Variants in FBH1 observed in about 807,000 individuals in gnomAD.
FBH1 encodes the protein DNA 3'-5' helicase 1.
Under a neutral mutation model 115.5 loss-of-function variants are expected in FBH1, and 43 were observed. The observed-to-expected ratio is 0.37, with a 90% CI of 0.29 to 0.48. The LOEUF is 0.48. FBH1 is among the 20% of genes least tolerant of loss of function. The pLI, the probability that FBH1 is intolerant of heterozygous loss-of-function variation, is 0.99. For synonymous variants in FBH1, 524 were observed against 507.8 expected, an observed-to-expected ratio of 1.03 and a Z score of -0.43; for missense variants, 1,001 against 1,337.3, an observed-to-expected ratio of 0.75 and a Z score of 3.92.
At position 5,917,402 on chromosome 10, in the gene FBH1, A is replaced by G. The variant is rs1330239650; in HGVS notation, c.1789-18A>G. ...CCAGGGTCTCAAACTCTGGGTTACC[A>G]TATGCTTTACTTCCTAGAATGGTGT... On this transcript the variant is annotated intron_variant, in intron 10 of 20. Transcript: ENST00000362091. The surrounding 1 kb of genome is among the most constrained non-coding windows in gnomAD (Gnocchi z 5.6). The G allele has an allele frequency of 5.6e-6, 9 of 1,611,470 alleles. No homozygotes were observed. Among genetic ancestry groups the G allele is most frequent in the Non-Finnish European group, 6.8e-6 (8 of 1,178,016 alleles).
chr10:5,912,869 T>C (rs996658589), intron 6 of FBH1, among the ~76,000 whole-genome samples: 14 of 152,186 alleles, frequency 9.2e-5, no homozygotes, highest in African/African-American at 4.8e-5. Context: ...AGTATGTATG[T>C]TGATTTTTGT....
At chr10:5,903,938 A>G (rs953404245) in intron 2 of FBH1, among the ~76,000 whole-genome samples, 33 of 152,230 alleles carry the variant, frequency 2.2e-4, no homozygotes, top group African/African-American at 8.0e-4. Flanking sequence ...TCTCTGCTAA[A>G]TCAACTGGAA....
At position 5,897,522 on chromosome 10, in the gene FBH1, AT is replaced by A. The variant is rs1473315894; in HGVS notation, c.2-5497del. Among the ~76,000 whole-genome samples the A allele has an allele frequency of 2.6e-5, 4 of 152,140 alleles. No individual in the cohort carries two copies. The highest frequency in any genetic ancestry group is 1.3e-4 in the Admixed American group (2 of 15,272). On this transcript the variant is annotated intron_variant, in intron 1 of 20. Transcript: ENST00000362091. This position sits in a 1 kb window ranked among gnomAD's most constrained non-coding sequence, Gnocchi z 4.7. ...GTTAGAAAAGTTATTTTTGATACATATATCCAATAAGTCCAAGGGGTGGGGA... is the reference window on the plus strand; with the variant it reads ...GTTAGAAAAGTTATTTTTGATACATAATCCAATAAGTCCAAGGGGTGGGGA...
rs1832423225 is a variant in FBH1, at chr10:5,923,339, C to T, written c.2323-282C>T. 6.6e-6 allele frequency among the ~76,000 whole-genome samples: 1 copy of T among 152,174 alleles called. No individual in the cohort carries two copies. The highest frequency in any genetic ancestry group is 6.5e-5 in the Admixed American group (1 of 15,274). On this transcript the variant is annotated intron_variant, in intron 15 of 20. Transcript: ENST00000362091. This position sits in a 1 kb window ranked among gnomAD's most constrained non-coding sequence, Gnocchi z 5.7. ...AAGCAGTATGCAGCTGTAGGTCTTG[C>T]CCTTTTTAAAAGCGTAGGAAGAGTT...
At chr10:5,894,270 G>T in intron 1 of FBH1, 1 of 1,429,376 alleles carries the variant, frequency 7.0e-7, no homozygotes, top group Non-Finnish European at 9.1e-7. Context: ...ACAGCATTTA[G>T]TGGTATTTTC....
In FBH1 at chr10:5,897,603, C is replaced by T. The variant is rs1409209385; in HGVS notation, c.2-5417C>T. On this transcript the variant is annotated intron_variant, in intron 1 of 20. Transcript: ENST00000362091. The surrounding 1 kb of genome is among the most constrained non-coding windows in gnomAD (Gnocchi z 4.7). ...TAAAAGTACCAGCTCTCCCGCCAGC[C>T]AAACTATGGCTGGTAACGCCATTCC... Among the ~76,000 whole-genome samples the T allele has an allele frequency of 6.6e-6, 1 of 152,222 alleles. No homozygotes were observed. Among genetic ancestry groups the T allele is most frequent in the Admixed American group, 6.5e-5 (1 of 15,284 alleles).
chr10:5,907,163 A>G (rs950460539), intron 3 of FBH1, among the ~76,000 whole-genome samples: 4 of 151,376 alleles, frequency 2.6e-5, no homozygotes, highest in African/African-American at 7.3e-5. Flanking sequence ...GGGTTTTACC[A>G]TGTTGGCCAG....
In FBH1 at chr10:5,896,523, A is replaced by G. The variant is rs73616431; in HGVS notation, c.1+6177A>G. On this transcript the variant is annotated intron_variant, in intron 1 of 20. Transcript: ENST00000362091. ...AAGCCTAGGGAATATTCATTTGACAAAATGGTTTGTGTACATTCTGGTTTT... is the reference window on the plus strand; with the variant it reads ...AAGCCTAGGGAATATTCATTTGACAGAATGGTTTGTGTACATTCTGGTTTT... Among the ~76,000 whole-genome samples the G allele has an allele frequency of 4.3e-3, 662 of 152,304 alleles. 5 individuals carry two copies. The highest frequency in any genetic ancestry group is 0.015 in the African/African-American group (622 of 41,554).
At position 5,897,411 on chromosome 10, in the gene FBH1, A is replaced by G; in HGVS notation, c.2-5609A>G. Among the ~76,000 whole-genome samples the G allele has an allele frequency of 6.6e-6, 1 of 152,202 alleles. No individual in the cohort carries two copies. The highest frequency in any genetic ancestry group is 1.9e-4 in the East Asian group (1 of 5,200). On this transcript the variant is annotated intron_variant, in intron 1 of 20. Transcript: ENST00000362091. The surrounding 1 kb of genome is among the most constrained non-coding windows in gnomAD (Gnocchi z 4.7). ...GGGCTCCTGCGGAGGAGGTGGACAC[A>G]GGGCTCCTGGCTCCCAGTTCAGAGC...
At position 5,917,333 on chromosome 10, in the gene FBH1, T is replaced by C; in HGVS notation, c.1789-87T>C. 9.1e-7 allele frequency: 1 copy of C among 1,102,634 alleles called. No homozygotes were observed. The highest frequency in any genetic ancestry group is 1.3e-5 in the South Asian group (1 of 75,356). The allele number at this position is 1,102,634 out of a possible 1,614,324, so 68.3% of individuals were successfully genotyped here. On this transcript the variant is annotated intron_variant, in intron 10 of 20. Coordinates refer to ENST00000362091, the MANE Select transcript of FBH1 (RefSeq NM_178150.3). The surrounding 1 kb of genome is among the most constrained non-coding windows in gnomAD (Gnocchi z 5.6). ...TTCTGTGAGGATGCCCTGGCTCCAC[T>C]GCTGTATGGGAGTTGACAGTGTGAC... is the stretch of plus-strand genomic sequence containing the variant.
intron 2 of FBH1, among the ~76,000 whole-genome samples, chr10:5,904,496 A>C (rs1388308341): frequency 6.6e-6 from 1 of 152,134 alleles, no homozygotes; most frequent in East Asian, 1.9e-4. Context: ...AGGACTTGTG[A>C]GGTGGCCCTG....
chr10:5,902,402 A>C (rs544565326), intron 1 of FBH1, among the ~76,000 whole-genome samples: 10 of 152,368 alleles, frequency 6.6e-5, no homozygotes, highest in African/African-American at 2.2e-4. Flanking sequence ...CGATTCTTAA[A>C]TACTTTTGAT....
At chr10:5,898,354 C>A (rs1843131184) in intron 1 of FBH1, among the ~76,000 whole-genome samples, 1 of 152,110 alleles carries the variant, frequency 6.6e-6, no homozygotes, top group Non-Finnish European at 1.5e-5. Context: ...CTTATAAGGG[C>A]ACTAATCCCA....
At position 5,906,326 on chromosome 10, in the gene FBH1, G is replaced by A. The variant is rs779335043; in HGVS notation, c.447G>A (p.Arg149=). 6.2e-7 allele frequency: 1 copy of A among 1,614,220 alleles called. No individual in the cohort carries two copies. The highest frequency in any genetic ancestry group is 8.5e-7 in the Non-Finnish European group (1 of 1,180,028). The change falls in exon 3 of 21, where the codon CGG becomes CGA. Residue 149 remains arginine (R), a synonymous_variant. Coordinates refer to ENST00000362091, the MANE Select transcript of FBH1 (RefSeq NM_178150.3). This position sits in a 1 kb window ranked among gnomAD's most constrained non-coding sequence, Gnocchi z 7.3. ...RWDGVSKKAP[R]HHLSVPCTRP... is the part of the protein sequence containing the mutation. ...ATGGAGTTTCTAAGAAAGCTCCACG[G>A]CACCATTTGTCTGTGCCATGCACAA... is the stretch of plus-strand genomic sequence containing the variant.
At position 5,906,400 on chromosome 10, in the gene FBH1, C is replaced by T; in HGVS notation, c.521C>T (p.Ser174Phe). The T allele has an allele frequency of 6.2e-7, 1 of 1,614,148 alleles. No homozygotes were observed. The highest frequency in any genetic ancestry group is 8.5e-7 in the Non-Finnish European group (1 of 1,179,952). Residue 174 changes from serine to phenylalanine, a missense_variant, in exon 3 of 21, where the codon TCT (serine) becomes TTT (phenylalanine). This residue lies in a region of FBH1 where 420 missense variants were observed against 430.4 expected (regional missense o/e 0.98). Transcript: ENST00000362091. This position sits in a 1 kb window ranked among gnomAD's most constrained non-coding sequence, Gnocchi z 7.3. ...QEAEDSTSRL[S>F]AESGETDQDA... ...GCAGAGGACAGTACGTCTCGGCTCT[C>T]TGCGGAGTCTGGTGAAACCGACCAA...
In FBH1 at chr10:5,895,903, T is replaced by C. The variant is rs1034812367; in HGVS notation, c.1+5557T>C. Among the ~76,000 whole-genome samples the C allele has an allele frequency of 1.3e-5, 2 of 152,164 alleles. No individual in the cohort carries two copies. Among genetic ancestry groups the C allele is most frequent in the African/African-American group, 4.8e-5 (2 of 41,436 alleles). ...CACCTGCACGCAGGACTGGGAAGTA[T>C]AGCCCAGCTGTGTGCTCAGGGAGAA... On this transcript the variant is annotated intron_variant, in intron 1 of 20. Transcript: ENST00000362091. This position sits in a 1 kb window ranked among gnomAD's most constrained non-coding sequence, Gnocchi z 5.0.
intron 1 of FBH1, among the ~76,000 whole-genome samples, chr10:5,901,063 C>G (rs1260176631): frequency 6.6e-6 from 1 of 151,908 alleles, no homozygotes; most frequent in Non-Finnish European, 1.5e-5. Flanking sequence ...TGTCACTGTG[C>G]TCCAGCCTAA....
rs1832302629 is a variant in FBH1 at position 5,921,375 on chromosome 10, T to C, written c.2200+18T>C. Reference sequence around the variant, plus strand: ...CCATCAGAGTAAGGCTTTTAGTTACTCTTCTCTTTTGTGTTACAAAAGTTT... The same window carrying C: ...CCATCAGAGTAAGGCTTTTAGTTACCCTTCTCTTTTGTGTTACAAAAGTTT... On this transcript the variant is annotated intron_variant, in intron 14 of 20. Transcript: ENST00000362091. This position sits in a 1 kb window ranked among gnomAD's most constrained non-coding sequence, Gnocchi z 6.4. 1 of 1,612,640 alleles carries C rather than the reference T, an allele frequency of 6.2e-7. No homozygotes were observed. The highest frequency in any genetic ancestry group is 1.1e-5 in the South Asian group (1 of 90,828).
rs1382855247 is a variant in FBH1, at chr10:5,903,084, G to T, written c.66G>T (p.Leu22Phe). 2 of 1,613,622 alleles carry T rather than the reference G, an allele frequency of 1.2e-6. No homozygotes were observed. Among genetic ancestry groups the T allele is most frequent in the Admixed American group, 1.7e-5 (1 of 59,934 alleles). The change falls in exon 2 of 21, where the codon TTG becomes TTT. Residue 22 changes from leucine to phenylalanine, a missense_variant. Physicochemically the swap from Leu to Phe is conservative, Grantham distance 22 (BLOSUM62 0). Transcript: ENST00000362091. ...GCCAGCATTTGGCTCGGAGTCACTT[G>T]GCTGTGACCCAGCCCTTCGGTCAAA... ...IDCQHLARSH[L>F]AVTQPFGQRW...
Sources: allele counts gnomAD v4.1 joint callset (sites outside exome capture counted in the v4.1 genomes callset), GRCh38; gene constraint gnomAD v4.1.1; regional missense constraint gnomAD v4.1.1; non-coding constraint Gnocchi (gnomAD v3.1); transcripts MANE v1.5; gene names NCBI Gene and HGNC (gene_info 2026-07-23, HGNC 2026-07-21).